The following RAB3C variants were observed in gnomAD, a reference collection of about 807,000 sequenced individuals.
RAB3C encodes ras-related protein Rab-3C.
Under a neutral mutation model 26.4 loss-of-function variants are expected in RAB3C, and 17 were observed. That is an observed-to-expected ratio of 0.64 (90% CI 0.44 to 0.97). The LOEUF (loss-of-function observed/expected upper bound fraction) is 0.97, where lower values mean the gene tolerates loss of function less well. RAB3C is among the 50% of genes least tolerant of loss of function. RAB3C has a pLI of 0.00. For missense variants in RAB3C, 242 were observed against 281.9 expected (o/e 0.86, Z 1.01); for synonymous variants, 91 against 95.9 (o/e 0.95, Z 0.30).
intron 3 of RAB3C, among the ~76,000 whole-genome samples, chr5:58,809,835 C>T (rs1016932593): frequency 2.0e-5 from 3 of 152,192 alleles, no homozygotes; most frequent in East Asian, 3.8e-4. Flanking sequence ...GAGAAATAAA[C>T]GTCTGTTGCT....
intron 2 of RAB3C, among the ~76,000 whole-genome samples, chr5:58,650,323 T>G (rs2111784841): frequency 6.6e-6 from 1 of 152,124 alleles, no homozygotes; most frequent in African/African-American, 2.4e-5. Flanking sequence ...GATCAGAGTC[T>G]ATGAAGAAGG....
At chr5:58,692,590 A>G (rs1748593119) in intron 2 of RAB3C, among the ~76,000 whole-genome samples, 1 of 152,088 alleles carries the variant, frequency 6.6e-6, no homozygotes, top group South Asian at 2.1e-4. Flanking sequence ...TGAGGTGATA[A>G]TAGCACTTCA....
intron 1 of RAB3C, among the ~76,000 whole-genome samples, chr5:58,607,657 C>A (rs993860200): frequency 7.2e-5 from 11 of 152,122 alleles, no homozygotes; most frequent in Admixed American, 1.3e-4. Context: ...TAAGGGCAGC[C>A]AGAGAGAAAG....
chr5:58,819,900 C>T (rs1743301472), intron 3 of RAB3C, among the ~76,000 whole-genome samples: 1 of 152,144 alleles, frequency 6.6e-6, no homozygotes, highest in African/African-American at 2.4e-5. Context: ...TATGCCTTTT[C>T]ATCAATGGCT....
chr5:58,584,899 T>C (rs935882027), intron 1 of RAB3C, among the ~76,000 whole-genome samples: 1 of 152,064 alleles, frequency 6.6e-6, no homozygotes, highest in Non-Finnish European at 1.5e-5. Flanking sequence ...CAGAACTGTA[T>C]TAATGTTTCA....
chr5:58,789,042 C>T (rs565108790), intron 3 of RAB3C, among the ~76,000 whole-genome samples: 1 of 151,922 alleles, frequency 6.6e-6, no homozygotes, highest in Non-Finnish European at 1.5e-5. Context: ...GGGGTGCATG[C>T]GTGCATGCAG....
At chr5:58,630,760 A>G (rs539251102) in intron 2 of RAB3C, among the ~76,000 whole-genome samples, 22 of 152,346 alleles carry the variant, frequency 1.4e-4, no homozygotes, top group Middle Eastern at 3.4e-3. Flanking sequence ...CCTTCAGACC[A>G]CATTTTCAAT....
chr5:58,593,184 C>T (rs1746175670), intron 1 of RAB3C, among the ~76,000 whole-genome samples: 1 of 152,004 alleles, frequency 6.6e-6, no homozygotes, highest in South Asian at 2.1e-4. Context: ...CATCTTCAGT[C>T]TTTTGTTAAG....
intron 2 of RAB3C, among the ~76,000 whole-genome samples, chr5:58,679,810 T>A (rs1362862980): frequency 6.6e-6 from 1 of 152,212 alleles, no homozygotes; most frequent in Non-Finnish European, 1.5e-5. Context: ...AGGCTTTTCT[T>A]TGCACGGTAA....
intron 3 of RAB3C, among the ~76,000 whole-genome samples, chr5:58,765,944 C>G (rs73104337): frequency 0.038 from 5,827 of 152,144 alleles, 383 homozygotes; most frequent in African/African-American, 0.13. Flanking sequence ...GCACCTCCCC[C>G]TGCCCACTCT....
At chr5:58,768,984 G>A (rs1487226330) in intron 3 of RAB3C, among the ~76,000 whole-genome samples, 2 of 152,196 alleles carry the variant, frequency 1.3e-5, no homozygotes, top group Non-Finnish European at 2.9e-5. Context: ...AAGATGTGGT[G>A]ATGGTAGCTG....
intron 3 of RAB3C, among the ~76,000 whole-genome samples, chr5:58,798,468 T>C (rs967600055): frequency 6.6e-6 from 1 of 152,114 alleles, no homozygotes; most frequent in Non-Finnish European, 1.5e-5. Context: ...TGAGCATCCC[T>C]AAACCAAAAA....
intron 3 of RAB3C, among the ~76,000 whole-genome samples, chr5:58,726,969 G>A (rs1430154889): frequency 6.6e-6 from 1 of 151,956 alleles, no homozygotes; most frequent in Non-Finnish European, 1.5e-5. Flanking sequence ...GGCTTTGTGT[G>A]ACATTAGGAA....
intron 3 of RAB3C, among the ~76,000 whole-genome samples, chr5:58,766,562 A>G (rs1741910934): frequency 6.6e-6 from 1 of 152,256 alleles, no homozygotes; most frequent in Non-Finnish European, 1.5e-5. Context: ...AGAATAATTA[A>G]GCCCTTTCAA....
At chr5:58,595,349 C>G (rs1260150135) in intron 1 of RAB3C, among the ~76,000 whole-genome samples, 2 of 152,114 alleles carry the variant, frequency 1.3e-5, no homozygotes, top group South Asian at 4.1e-4. Context: ...GGTATAGACC[C>G]TTCTCTGCAA....
intron 3 of RAB3C, among the ~76,000 whole-genome samples, chr5:58,745,092 C>A (rs1022358419): frequency 6.6e-6 from 1 of 151,992 alleles, no homozygotes; most frequent in African/African-American, 2.4e-5. Flanking sequence ...TTCCCCGAGA[C>A]CAACTGTTCA....
At chr5:58,590,467 GTT>G (rs975881749) in intron 1 of RAB3C, among the ~76,000 whole-genome samples, 4 of 151,914 alleles carry the variant, frequency 2.6e-5, no homozygotes, top group African/African-American at 9.7e-5. Context: ...CTATATTTGT[GTT>G]TCTTATACTT....
In RAB3C at chr5:58,856,971, A is replaced by T. The variant is rs181268463; in HGVS notation, c.*5620A>T. On this transcript the variant is annotated 3_prime_UTR_variant, in exon 5 of 5. Coordinates refer to ENST00000282878, the MANE Select transcript of RAB3C (RefSeq NM_138453.4). The stretch of plus-strand genomic sequence containing the variant: ...TGATGTGATACCGTTAGACTGTCCA[A>T]ATGTACAACAATTTAATGGTGTTTG... 53 of 152,344 alleles carry T rather than the reference A, an allele frequency of 3.5e-4. No individual in the cohort carries two copies. The highest frequency in any genetic ancestry group is 1.2e-3 in the African/African-American group (50 of 41,578). 9.4% of individuals were successfully genotyped at this position (152,344 alleles called of 1,614,324 possible).
intron 4 of RAB3C, among the ~76,000 whole-genome samples, chr5:58,830,084 TTC>T (rs1743579035): frequency 1.3e-5 from 2 of 152,208 alleles, no homozygotes; most frequent in Admixed American, 1.3e-4. Context: ...GGGTAGTTAC[TTC>T]TCTTTTTGGA....
Sources: allele counts gnomAD v4.1 joint callset (sites outside exome capture counted in the v4.1 genomes callset), GRCh38; gene constraint gnomAD v4.1.1; transcripts MANE v1.5; gene names NCBI Gene and HGNC (gene_info 2026-07-23, HGNC 2026-07-21).